JARID2: variants seen among roughly 807,000 people sequenced by gnomAD.
JARID2 encodes jumonji and AT-rich interaction domain containing 2.
Under a neutral mutation model 125.6 loss-of-function variants are expected in JARID2, and 21 were observed. The ratio of observed to expected loss-of-function variants is 0.17; its 90% CI spans 0.12 to 0.24. The LOEUF is 0.24. JARID2 is among the 10% of genes least tolerant of loss of function. The pLI is 1.00. For missense variants in JARID2, 1,303 were observed against 1,639.6 expected (o/e 0.79, Z 3.55); for synonymous variants, 736 against 661.6 (o/e 1.11, Z -1.73).
chr6:15,361,878 G>T (rs1365257601), intron 1 of JARID2, among the ~76,000 whole-genome samples: 1 of 149,902 alleles, frequency 6.7e-6, no homozygotes, highest in African/African-American at 2.5e-5. Flanking sequence ...TCTTGTCTTT[G>T]GATTGGGAGC....
chr6:15,328,049 C>T (rs1223301878), intron 1 of JARID2, among the ~76,000 whole-genome samples: 1 of 152,064 alleles, frequency 6.6e-6, no homozygotes, highest in Non-Finnish European at 1.5e-5. Flanking sequence ...TTATTACAGG[C>T]CCAGGACATG....
intron 3 of JARID2, among the ~76,000 whole-genome samples, chr6:15,426,745 C>G (rs1460402915): frequency 1.3e-5 from 2 of 152,126 alleles, no homozygotes; most frequent in Non-Finnish European, 2.9e-5. Flanking sequence ...TTTCCAACCC[C>G]CAGAGGATGA....
rs12190529 is a variant in JARID2 at position 15,338,882 on chromosome 6, A to G, written c.46-35235A>G. Among the ~76,000 whole-genome samples, 723 of 152,318 alleles carry G rather than the reference A, an allele frequency of 4.7e-3. 5 individuals carry two copies. Among genetic ancestry groups the G allele is most frequent in the Admixed American group, 0.011 (168 of 15,290 alleles). ...CTTGGCAAGTTTTCAGATGACCCTG[A>G]TAAGATATATAGAGGCTTTTCAGAA... On this transcript the variant is annotated intron_variant, in intron 1 of 17. Transcript: ENST00000341776.
intron 5 of JARID2, among the ~76,000 whole-genome samples, chr6:15,486,746 C>T (rs1352759161): frequency 6.6e-6 from 1 of 151,282 alleles, no homozygotes; most frequent in African/African-American, 2.4e-5. Context: ...GCGCCCCGAA[C>T]TCATGCATGT....
intron 1 of JARID2, among the ~76,000 whole-genome samples, chr6:15,333,710 T>C (rs1762791406): frequency 6.6e-6 from 1 of 152,216 alleles, no homozygotes; most frequent in Non-Finnish European, 1.5e-5. Flanking sequence ...AAAAATTACA[T>C]TGTATGAACA....
chr6:15,421,545 A>T (rs1407039219), intron 3 of JARID2, among the ~76,000 whole-genome samples: 1 of 152,228 alleles, frequency 6.6e-6, no homozygotes, highest in Non-Finnish European at 1.5e-5. Context: ...TGACTATTAG[A>T]AGTCCTTCTT....
chr6:15,420,243 A>C (rs1261776992), intron 3 of JARID2, among the ~76,000 whole-genome samples: 2 of 152,116 alleles, frequency 1.3e-5, no homozygotes, highest in African/African-American at 4.8e-5. Flanking sequence ...TCTCTACTAA[A>C]AATACAAAAA....
chr6:15,426,209 G>T (rs764142442), intron 3 of JARID2, among the ~76,000 whole-genome samples: 1 of 152,140 alleles, frequency 6.6e-6, no homozygotes, highest in Non-Finnish European at 1.5e-5. Context: ...AATAATCCTC[G>T]AGTGGGGCCG....
At chr6:15,414,030 T>A (rs569512176) in intron 3 of JARID2, among the ~76,000 whole-genome samples, 13 of 152,320 alleles carry the variant, frequency 8.5e-5, no homozygotes, top group African/African-American at 2.2e-4. Flanking sequence ...TTAGCTATAC[T>A]TGTAGATTTA....
rs35474598 is a variant in JARID2 at position 15,496,700 on chromosome 6, G to A, written c.1475G>A (p.Arg492His). ...CACGTGAAGAAGGAAGTGCCGGAGCGCAGTCTGGAGAGGAATCGGCCGAAG... is the reference window on the plus strand; with the variant it reads ...CACGTGAAGAAGGAAGTGCCGGAGCACAGTCTGGAGAGGAATCGGCCGAAG... ...NGHVKKEVPE[R>H]SLERNRPKRA... The change falls in exon 7 of 18, where the codon CGC becomes CAC. Residue 492 changes from arginine (R) to histidine (H), a missense_variant. By Grantham distance (29) the Arg-to-His change is conservative. Transcript: ENST00000341776. 4.0e-5 allele frequency: 64 copies of A among 1,613,290 alleles called. No homozygotes were observed. The highest frequency in any genetic ancestry group is 6.6e-5 in the South Asian group (6 of 91,088).
At chr6:15,262,894 G>A (rs771084295) in intron 1 of JARID2, among the ~76,000 whole-genome samples, 4 of 152,112 alleles carry the variant, frequency 2.6e-5, no homozygotes, top group Non-Finnish European at 5.9e-5. Flanking sequence ...GGATTTGTTT[G>A]CATTTCTCTT....
At chr6:15,422,364 T>C (rs1361835115) in intron 3 of JARID2, among the ~76,000 whole-genome samples, 1 of 152,144 alleles carries the variant, frequency 6.6e-6, no homozygotes, top group Non-Finnish European at 1.5e-5. Flanking sequence ...CTTCCAAGTG[T>C]GGGAGGGAAG....
At chr6:15,393,655 C>T (rs922105541) in intron 2 of JARID2, among the ~76,000 whole-genome samples, 1 of 152,150 alleles carries the variant, frequency 6.6e-6, no homozygotes, top group Admixed American at 6.5e-5. Flanking sequence ...TATTTCTGGT[C>T]TTCTCCATGA....
intron 2 of JARID2, among the ~76,000 whole-genome samples, chr6:15,388,613 A>G (rs905121731): frequency 1.3e-5 from 2 of 148,618 alleles, no homozygotes; most frequent in South Asian, 4.2e-4. Context: ...TTTTTCTACA[A>G]CAAACTATAA....
chr6:15,405,929 TGAAATGTG>T (rs1044715737), intron 2 of JARID2, among the ~76,000 whole-genome samples: 1 of 152,096 alleles, frequency 6.6e-6, no homozygotes, highest in Non-Finnish European at 1.5e-5. Context: ...ACATTCAAAA[TGAAATGTG>T]GTAGCCAGTA....
intron 3 of JARID2, among the ~76,000 whole-genome samples, chr6:15,414,122 G>A (rs1168893905): frequency 6.6e-6 from 1 of 152,148 alleles, no homozygotes; most frequent in Non-Finnish European, 1.5e-5. Flanking sequence ...CTACAGTAGG[G>A]TGATGGGGAA....
At chr6:15,398,406 T>C (rs1246444130) in intron 2 of JARID2, among the ~76,000 whole-genome samples, 1 of 152,214 alleles carries the variant, frequency 6.6e-6, no homozygotes, top group Non-Finnish European at 1.5e-5. Context: ...CTTTAAATAT[T>C]GTAAGTTGTG....
At chr6:15,247,381 T>A in intron 1 of JARID2, 15 of 957,150 alleles carry the variant, frequency 1.6e-5, no homozygotes, top group Non-Finnish European at 1.9e-5. Flanking sequence ...TACAGCTACG[T>A]TTTGATTGGC....
At chr6:15,479,196 C>G (rs911632964) in intron 5 of JARID2, among the ~76,000 whole-genome samples, 1 of 152,150 alleles carries the variant, frequency 6.6e-6, no homozygotes, top group African/African-American at 2.4e-5. Flanking sequence ...GTGACTGATG[C>G]CCACACAGGC....
Sources: allele counts gnomAD v4.1 joint callset (sites outside exome capture counted in the v4.1 genomes callset), GRCh38; gene constraint gnomAD v4.1.1; transcripts MANE v1.5; gene names NCBI Gene and HGNC (gene_info 2026-07-23, HGNC 2026-07-21).